The following LHPP variants were observed in gnomAD, a reference collection of about 807,000 sequenced individuals.
LHPP encodes phospholysine phosphohistidine inorganic pyrophosphate phosphatase, also known as hLHPP.
LHPP carries 24 observed loss-of-function variants against 30.3 expected under a neutral mutation model. That is an observed-to-expected ratio of 0.79 (90% CI 0.57 to 1.11). LHPP has a LOEUF of 1.11. Ranked by LOEUF, LHPP falls within the 50% of genes most tolerant of loss-of-function variation. The pLI is 0.00. For synonymous variants in LHPP, 150 were observed against 157.1 expected (o/e 0.95, Z 0.34); for missense variants, 356 against 367.2 (o/e 0.97, Z 0.25).
At chr10:124,486,896 G>C (rs1024840482) in intron 2 of LHPP, among the ~76,000 whole-genome samples, 1 of 152,232 alleles carries the variant, frequency 6.6e-6, no homozygotes, top group Non-Finnish European at 1.5e-5. Context: ...TGGCTCAGAG[G>C]TTATCTCCCA....
chr10:124,582,072 G>A (rs767275939), intron 6 of LHPP, among the ~76,000 whole-genome samples: 55 of 149,280 alleles, frequency 3.7e-4, no homozygotes, highest in African/African-American at 1.1e-3. Context: ...GTGAGCCACC[G>A]CACCTGGCCT....
chr10:124,598,294 C>T (rs1948976321), intron 6 of LHPP, among the ~76,000 whole-genome samples: 1 of 152,248 alleles, frequency 6.6e-6, no homozygotes, highest in Non-Finnish European at 1.5e-5. Context: ...GCTTCCGCTT[C>T]TCTGTCTCAG....
chr10:124,563,337 T>A (rs1948433725), intron 6 of LHPP, among the ~76,000 whole-genome samples: 1 of 118,112 alleles, frequency 8.5e-6, no homozygotes, highest in Admixed American at 9.2e-5. Context: ...TTGCATAAAA[T>A]CCAGATCCTG....
Position 124,596,706 on chromosome 10 carries a change from G to C in LHPP, c.717-16558G>C, listed in dbSNP as rs992128278. Among the ~76,000 whole-genome samples, 1 of 152,230 alleles carries C rather than the reference G, an allele frequency of 6.6e-6. No individual in the cohort carries two copies. Among genetic ancestry groups the C allele is most frequent in the Non-Finnish European group, 1.5e-5 (1 of 68,040 alleles). ...GGACACCATGAAGCTGGGTGGACGGGTGGGGAGGCCCGACTTTAAGGGACC... is the reference window on the plus strand; with the variant it reads ...GGACACCATGAAGCTGGGTGGACGGCTGGGGAGGCCCGACTTTAAGGGACC... On this transcript the variant is annotated intron_variant, in intron 6 of 6. Transcript: ENST00000368842. This position sits in a 1 kb window ranked among gnomAD's most constrained non-coding sequence, Gnocchi z 4.6.
Position 124,543,526 on chromosome 10 carries a change from G to GCT in LHPP, c.716+26257_716+26258dup, listed in dbSNP as rs200097921. Among the ~76,000 whole-genome samples, 622 of 152,318 alleles carry GCT rather than the reference G, an allele frequency of 4.1e-3. 3 individuals carry two copies. The highest frequency in any genetic ancestry group is 0.014 in the African/African-American group (599 of 41,562). ...CCTCAAAACAGGGAGTCTTCTCTGGGCTCAGGGCCTTTCTGGAGATGGGAC... is the reference window on the plus strand; with the variant it reads ...CCTCAAAACAGGGAGTCTTCTCTGGGCTCTCAGGGCCTTTCTGGAGATGGGAC... On this transcript the variant is annotated intron_variant, in intron 6 of 6. Transcript: ENST00000368842.
chr10:124,477,076 G>T (rs764772505), intron 1 of LHPP, among the ~76,000 whole-genome samples: 1 of 152,184 alleles, frequency 6.6e-6, no homozygotes, highest in Non-Finnish European at 1.5e-5. Context: ...GGTGGCACGC[G>T]CCTGTAGTCC....
In LHPP at chr10:124,510,230, T is replaced by C. The variant is rs1185058061; in HGVS notation, c.625-6950T>C. On this transcript the variant is annotated intron_variant, in intron 5 of 6. Transcript: ENST00000368842. This position sits in a 1 kb window ranked among gnomAD's most constrained non-coding sequence, Gnocchi z 4.0. Reference sequence around the variant, plus strand: ...ACCTCTATCTTCTTGCCAGTGATTTTTTAAATCCTAAATGATTTGGCAATA... The same window carrying C: ...ACCTCTATCTTCTTGCCAGTGATTTCTTAAATCCTAAATGATTTGGCAATA... 1.3e-5 allele frequency among the ~76,000 whole-genome samples: 2 copies of C among 152,252 alleles called. No individual in the cohort carries two copies. Among genetic ancestry groups the C allele is most frequent in the Non-Finnish European group, 2.9e-5 (2 of 68,042 alleles).
chr10:124,600,085 T>C (rs1949002129), intron 6 of LHPP, among the ~76,000 whole-genome samples: 1 of 152,028 alleles, frequency 6.6e-6, no homozygotes, highest in African/African-American at 2.4e-5. Flanking sequence ...GGGACATGAG[T>C]GCTCGGGAGC....
chr10:124,538,162 G>A (rs28735645), intron 6 of LHPP, among the ~76,000 whole-genome samples: 22,448 of 72,994 alleles, frequency 0.31, 2,500 homozygotes, highest in African/African-American at 0.45. Context: ...GTCACCACGC[G>A]AGTCTCACCA....
intron 6 of LHPP, among the ~76,000 whole-genome samples, chr10:124,553,449 CTTTTTTTT>C (rs35840555): frequency 3.2e-5 from 2 of 61,614 alleles, no homozygotes; most frequent in Non-Finnish European, 5.3e-5. Flanking sequence ...TACAGCCATT[CTTTTTTTT>C]TTTTTTTTTT....
chr10:124,533,206 C>T (rs1954940274), intron 6 of LHPP, among the ~76,000 whole-genome samples: 1 of 152,184 alleles, frequency 6.6e-6, no homozygotes, highest in South Asian at 2.1e-4. Context: ...GCCAGGCCAA[C>T]ACTTCTGGAT....
At chr10:124,570,506 A>C (rs1948567185) in intron 6 of LHPP, among the ~76,000 whole-genome samples, 1 of 152,232 alleles carries the variant, frequency 6.6e-6, no homozygotes, top group Non-Finnish European at 1.5e-5. Flanking sequence ...CTTAAAATAC[A>C]CAATTCAGTG....
chr10:124,544,029 G>C (rs1955270058), intron 6 of LHPP, among the ~76,000 whole-genome samples: 1 of 152,234 alleles, frequency 6.6e-6, no homozygotes, highest in African/African-American at 2.4e-5. Context: ...CAGTGATTGT[G>C]CCTTCCCAGA....
At chr10:124,497,688 AAG>A (rs894703005) in intron 4 of LHPP, among the ~76,000 whole-genome samples, 6 of 152,140 alleles carry the variant, frequency 3.9e-5, no homozygotes, top group Admixed American at 1.3e-4. Context: ...GGCAGGGGAG[AAG>A]AGGGGGAGAA....
chr10:124,498,033 C>A lies in LHPP; in HGVS notation c.532-3C>A, dbSNP rs1254725702. 6.2e-7 allele frequency: 1 copy of A among 1,612,376 alleles called. No individual in the cohort carries two copies. The highest frequency in any genetic ancestry group is 1.7e-5 in the Admixed American group (1 of 60,026). On this transcript the variant is annotated splice_region_variant and splice_polypyrimidine_tract_variant and intron_variant, in intron 4 of 6. Coordinates refer to ENST00000368842, the MANE Select transcript of LHPP (RefSeq NM_022126.4). ...TATGCCATGTCCCTCTCTCTTTTCC[C>A]AGTATGCCTGTGGCATCAAAGCCGA...
intron 3 of LHPP, among the ~76,000 whole-genome samples, chr10:124,494,620 A>G (rs1046846385): frequency 5.9e-5 from 9 of 151,984 alleles, no homozygotes; most frequent in African/African-American, 2.2e-4. Flanking sequence ...TGGCGTGGCC[A>G]CCCTGGTCCT....
At chr10:124,534,644 G>A (rs1243539135) in intron 6 of LHPP, among the ~76,000 whole-genome samples, 1 of 152,234 alleles carries the variant, frequency 6.6e-6, no homozygotes, top group African/African-American at 2.4e-5. Flanking sequence ...GGCCCAGTGA[G>A]GCCCCCGGGA....
At position 124,593,138 on chromosome 10, in the gene LHPP, G is replaced by A. The variant is rs1330286773; in HGVS notation, c.717-20126G>A. Among the ~76,000 whole-genome samples the A allele has an allele frequency of 6.6e-6, 1 of 152,212 alleles. No individual in the cohort carries two copies. The highest frequency in any genetic ancestry group is 1.5e-5 in the Non-Finnish European group (1 of 68,030). ...GTGCTATGCCTCAGTCTCCCCATCT[G>A]TGTGGAGGAACTGATGAAGACAGCA... On this transcript the variant is annotated intron_variant, in intron 6 of 6. Transcript: ENST00000368842. This position sits in a 1 kb window ranked among gnomAD's most constrained non-coding sequence, Gnocchi z 4.9.
chr10:124,543,818 T>C (rs1955265024), intron 6 of LHPP, among the ~76,000 whole-genome samples: 1 of 152,170 alleles, frequency 6.6e-6, no homozygotes, highest in Non-Finnish European at 1.5e-5. Flanking sequence ...ATGCCTTCTT[T>C]GGAAAATACA....
Sources: allele counts gnomAD v4.1 joint callset (sites outside exome capture counted in the v4.1 genomes callset), GRCh38; gene constraint gnomAD v4.1.1; non-coding constraint Gnocchi (gnomAD v3.1); transcripts MANE v1.5; gene names NCBI Gene and HGNC (gene_info 2026-07-23, HGNC 2026-07-21).